Variants in CCSER1 observed in about 807,000 individuals in gnomAD.
CCSER1 encodes coiled-coil serine rich protein 1.
CCSER1 carries 41 observed loss-of-function variants against 82.0 expected under a neutral mutation model. The observed-to-expected ratio is 0.50, with a 90% CI of 0.39 to 0.65. The LOEUF (loss-of-function observed/expected upper bound fraction) is 0.65. Ranked by LOEUF, CCSER1 falls within the 30% of genes least tolerant of loss-of-function variation. CCSER1 has a pLI of 0.00. For synonymous variants in CCSER1, 414 were observed against 383.9 expected (o/e 1.08, Z -0.92); for missense variants, 1,119 against 1,064.2 (o/e 1.05, Z -0.72).
Position 91,037,778 on chromosome 4 carries a change from A to T in CCSER1, c.2173-48172A>T, listed in dbSNP as rs529438986. On this transcript the variant is annotated intron_variant, in intron 9 of 10. Coordinates refer to ENST00000509176, the MANE Select transcript of CCSER1 (RefSeq NM_001145065.2). Reference sequence around the variant, plus strand: ...TTATTTTTTAAAAATATTTGATGGAAATAATTATAATTTATTTAATAAATA... The same window carrying T: ...TTATTTTTTAAAAATATTTGATGGATATAATTATAATTTATTTAATAAATA... Among the ~76,000 whole-genome samples, 15 of 151,940 alleles carry T rather than the reference A, an allele frequency of 9.9e-5. No individual in the cohort carries two copies. In the South Asian group the frequency reaches 2.9e-3, roughly 29 times the overall value.
chr4:90,848,240 G>T (rs192065492), intron 8 of CCSER1, among the ~76,000 whole-genome samples: 3 of 152,292 alleles, frequency 2.0e-5, no homozygotes, highest in Admixed American at 1.3e-4. Context: ...CCCTGGTTTT[G>T]TGGATCACAA....
intron 10 of CCSER1, among the ~76,000 whole-genome samples, chr4:91,154,316 C>T (rs574818093): frequency 2.2e-4 from 34 of 152,158 alleles, no homozygotes; most frequent in African/African-American, 6.0e-4. Context: ...GAGCCAGGCA[C>T]GGGATATAAT....
intron 9 of CCSER1, among the ~76,000 whole-genome samples, chr4:90,937,557 C>T (rs1330434042): frequency 2.6e-5 from 4 of 151,480 alleles, no homozygotes; most frequent in Admixed American, 1.3e-4. Flanking sequence ...ATCCACACTC[C>T]CCAAGCCAGC....
At chr4:90,957,535 TATATTATATAATTATATTA>T (rs1241373563) in intron 9 of CCSER1, among the ~76,000 whole-genome samples, 4 of 122,868 alleles carry the variant, frequency 3.3e-5, no homozygotes, top group African/African-American at 1.0e-4. Flanking sequence ...ATATATTATA[TATATTATATAATTATATTA>T]TATATATTAT....
chr4:90,574,642 C>G (rs552331004), intron 5 of CCSER1, among the ~76,000 whole-genome samples: 2 of 151,660 alleles, frequency 1.3e-5, no homozygotes, highest in Non-Finnish European at 2.9e-5. Flanking sequence ...CATCTGCTTT[C>G]TTCCCTACTG....
intron 5 of CCSER1, among the ~76,000 whole-genome samples, chr4:90,608,649 A>C (rs942365769): frequency 2.3e-4 from 35 of 152,172 alleles, no homozygotes; most frequent in Admixed American, 6.6e-5. Context: ...CTATTAATAA[A>C]AATGATTCAT....
At chr4:91,210,930 G>T (rs1364172304) in intron 10 of CCSER1, among the ~76,000 whole-genome samples, 1 of 152,066 alleles carries the variant, frequency 6.6e-6, no homozygotes, top group South Asian at 2.1e-4. Context: ...GTATTCGGGT[G>T]TGATCGGGCA....
intron 10 of CCSER1, among the ~76,000 whole-genome samples, chr4:91,432,668 A>T (rs1219192800): frequency 1.3e-5 from 2 of 152,170 alleles, no homozygotes; most frequent in Non-Finnish European, 2.9e-5. Context: ...TATAATCATA[A>T]AAGGGACATA....
chr4:91,429,638 G>T (rs1754179343), intron 10 of CCSER1, among the ~76,000 whole-genome samples: 1 of 151,724 alleles, frequency 6.6e-6, no homozygotes. Flanking sequence ...GGTTTTTGTT[G>T]ATTTTTGTTA....
intron 10 of CCSER1, among the ~76,000 whole-genome samples, chr4:91,325,555 G>A (rs541639216): frequency 3.3e-5 from 5 of 152,210 alleles, no homozygotes; most frequent in South Asian, 4.2e-4. Flanking sequence ...TAAGCTTTGG[G>A]CCAAGGTTAA....
intron 5 of CCSER1, among the ~76,000 whole-genome samples, chr4:90,583,358 G>A (rs1190527950): frequency 6.6e-6 from 1 of 151,908 alleles, no homozygotes; most frequent in Non-Finnish European, 1.5e-5. Context: ...TAGAGATGGG[G>A]TTTCACCATG....
intron 8 of CCSER1, chr4:90,911,375 A>G (rs73834579): frequency 0.024 from 10,811 of 455,748 alleles, 670 homozygotes; most frequent in African/African-American, 0.15. Flanking sequence ...ACAATGATCA[A>G]TGTGATCTGT....
intron 5 of CCSER1, among the ~76,000 whole-genome samples, chr4:90,536,274 T>A (rs1001456927): frequency 6.6e-6 from 1 of 152,174 alleles, no homozygotes; most frequent in Non-Finnish European, 1.5e-5. Flanking sequence ...CCTCAGGTGA[T>A]GCGCCCGCCT....
At chr4:90,460,056 G>A (rs1281062318) in intron 4 of CCSER1, among the ~76,000 whole-genome samples, 2 of 146,364 alleles carry the variant, frequency 1.4e-5, no homozygotes, top group African/African-American at 2.8e-5. Context: ...GCCGGGCGCG[G>A]TGGCTCACGC....
chr4:91,351,155 T>G (rs1338224256), intron 10 of CCSER1, among the ~76,000 whole-genome samples: 2 of 151,982 alleles, frequency 1.3e-5, no homozygotes, highest in Non-Finnish European at 2.9e-5. Flanking sequence ...AACTATATTA[T>G]GGGGAGAATA....
chr4:90,989,651 C>A (rs2150443097), intron 9 of CCSER1, among the ~76,000 whole-genome samples: 1 of 151,790 alleles, frequency 6.6e-6, no homozygotes, highest in Admixed American at 6.6e-5. Context: ...AGGAAGAATG[C>A]CTAGAAATGT....
intron 9 of CCSER1, among the ~76,000 whole-genome samples, chr4:90,976,148 A>G (rs1735594249): frequency 1.3e-5 from 2 of 151,352 alleles, no homozygotes; most frequent in South Asian, 2.1e-4. Context: ...TAACCTAAGG[A>G]AACTATTTGC....
At chr4:91,145,307 T>A (rs1729433858) in intron 10 of CCSER1, among the ~76,000 whole-genome samples, 1 of 152,182 alleles carries the variant, frequency 6.6e-6, no homozygotes, top group Non-Finnish European at 1.5e-5. Context: ...TCCATTTGCA[T>A]AATAGTTCTT....
chr4:91,157,403 G>A (rs1458050968), intron 10 of CCSER1, among the ~76,000 whole-genome samples: 2 of 151,764 alleles, frequency 1.3e-5, no homozygotes, highest in African/African-American at 4.8e-5. Context: ...GCCTTATAAG[G>A]CATTTCTCTT....
Sources: allele counts gnomAD v4.1 joint callset (sites outside exome capture counted in the v4.1 genomes callset), GRCh38; gene constraint gnomAD v4.1.1; transcripts MANE v1.5; gene names NCBI Gene and HGNC (gene_info 2026-07-23, HGNC 2026-07-21).